The following LAMP1 variants were observed in gnomAD, a reference collection of about 807,000 sequenced individuals.
LAMP1 encodes the protein lysosome associated membrane protein 1, also known as lysosome-associated membrane glycoprotein 1.
LAMP1 carries 7 observed loss-of-function variants against 37.5 expected under a neutral mutation model. That is an observed-to-expected ratio of 0.19 (90% CI 0.11 to 0.35). The LOEUF (loss-of-function observed/expected upper bound fraction) is 0.35. Among genes scored for constraint, LAMP1 ranks in the 10% least tolerant of loss-of-function variants. The pLI, the probability that LAMP1 is intolerant of heterozygous loss-of-function variation, is 1.00. For synonymous variants in LAMP1, 236 were observed against 229.1 expected (o/e 1.03, Z -0.27); for missense variants, 537 against 552.8 (o/e 0.97, Z 0.29).
chr13:113,299,009 G>T (rs539001957), intron 1 of LAMP1, among the ~76,000 whole-genome samples: 52 of 152,110 alleles, frequency 3.4e-4, no homozygotes, highest in African/African-American at 1.2e-3. Context: ...GCATGGTGGC[G>T]CACGCCTGTA....
intron 2 of LAMP1, among the ~76,000 whole-genome samples, chr13:113,308,275 C>T (rs2042610627): frequency 6.7e-6 from 1 of 149,454 alleles, no homozygotes; most frequent in African/African-American, 2.5e-5. Context: ...CTTGGCCTCC[C>T]AAAGTGCTGG....
rs180692655 is a variant in LAMP1 at position 113,297,577 on chromosome 13, G to A, written c.61+82G>A. 2 of 1,176,634 alleles carry A rather than the reference G, an allele frequency of 1.7e-6. No homozygotes were observed. The highest frequency in any genetic ancestry group is 6.9e-5 in the East Asian group (2 of 29,168). 72.9% of individuals were successfully genotyped at this position (1,176,634 alleles called of 1,614,324 possible). A position where few individuals can be genotyped will look rare whatever the true frequency, so the allele number is the denominator to read the frequency against. ...TGGGTCTTGAGGGCGGGGGACTGCC[G>A]GGTCGTTGTCCCGCGGGTCGCCCCG... On this transcript the variant is annotated intron_variant, in intron 1 of 8. Coordinates refer to ENST00000332556, the MANE Select transcript of LAMP1 (RefSeq NM_005561.4). The surrounding 1 kb of genome is among the most constrained non-coding windows in gnomAD (Gnocchi z 4.4).
intron 2 of LAMP1, among the ~76,000 whole-genome samples, chr13:113,306,996 C>T (rs1307439678): frequency 2.0e-5 from 3 of 151,560 alleles, no homozygotes; most frequent in South Asian, 4.2e-4. Context: ...CTCGCCACCA[C>T]GCACAGCTAA....
In LAMP1 at chr13:113,297,740, C is replaced by T. The variant is rs1235821329; in HGVS notation, c.61+245C>T. On this transcript the variant is annotated intron_variant, in intron 1 of 8. Coordinates refer to ENST00000332556, the MANE Select transcript of LAMP1 (RefSeq NM_005561.4). This position sits in a 1 kb window ranked among gnomAD's most constrained non-coding sequence, Gnocchi z 4.4. ...TCCCAGGACCTGGCTCCTCTAAGGT[C>T]TGTCTCACTGAACTCAGTTTTTCTG... is the stretch of plus-strand genomic sequence containing the variant. 6.6e-6 allele frequency among the ~76,000 whole-genome samples: 1 copy of T among 152,218 alleles called. No homozygotes were observed. The highest frequency in any genetic ancestry group is 1.9e-4 in the East Asian group (1 of 5,192).
chr13:113,315,025 G>A (rs1414076823), intron 4 of LAMP1, among the ~76,000 whole-genome samples: 1 of 137,642 alleles, frequency 7.3e-6, no homozygotes, highest in East Asian at 2.4e-4. Flanking sequence ...GTGTGCCTGG[G>A]GCGTGGCCTC....
At position 113,322,361 on chromosome 13, in the gene LAMP1, C is replaced by T. The variant is rs374673267; in HGVS notation, c.1194C>T (p.Ile398=). 13 of 1,603,412 alleles carry T rather than the reference C, an allele frequency of 8.1e-6. No individual in the cohort carries two copies. The highest frequency in any genetic ancestry group is 5.6e-5 in the South Asian group (5 of 89,552). Residue 398 remains isoleucine, a synonymous_variant, in exon 9 of 9, where the codon ATC becomes ATT. Coordinates refer to ENST00000332556, the MANE Select transcript of LAMP1 (RefSeq NM_005561.4). ...VGGALAGLVL[I]VLIAYLVGRK... is the part of the protein sequence containing the mutation. Reference sequence around the variant, plus strand: ...GTGCCCTGGCGGGGCTGGTCCTCATCGTCCTCATCGCCTACCTCGTCGGCA... The same window carrying T: ...GTGCCCTGGCGGGGCTGGTCCTCATTGTCCTCATCGCCTACCTCGTCGGCA...
intron 4 of LAMP1, 54 bp from the exon 5 acceptor site, chr13:113,319,415 C>T: frequency 6.8e-7 from 1 of 1,475,252 alleles, no homozygotes; most frequent in Non-Finnish European, 9.2e-7. Context: ...CTTACTGTAA[C>T]TGCTGATGGT....
chr13:113,314,845 C>T (rs1471215746), intron 4 of LAMP1, among the ~76,000 whole-genome samples: 1 of 128,696 alleles, frequency 7.8e-6, no homozygotes, highest in Non-Finnish European at 1.6e-5. Context: ...GCGTGGCCTC[C>T]TGGAGGCAGC....
At chr13:113,303,782 A>G (rs2042585375) in intron 1 of LAMP1, among the ~76,000 whole-genome samples, 3 of 152,174 alleles carry the variant, frequency 2.0e-5, no homozygotes, top group Admixed American at 2.0e-4. Context: ...TTTCCTCTGA[A>G]AGCTGAGACC....
chr13:113,322,370 C>A lies in LAMP1; in HGVS notation c.1203C>A (p.Ile401=). The A allele has an allele frequency of 6.2e-7, 1 of 1,604,350 alleles. No homozygotes were observed. The highest frequency in any genetic ancestry group is 1.1e-5 in the South Asian group (1 of 89,658). The part of the protein sequence containing the change: ...ALAGLVLIVL[I]AYLVGRKRSH... ...CGGGGCTGGTCCTCATCGTCCTCAT[C>A]GCCTACCTCGTCGGCAGGAAGAGGA... is the stretch of plus-strand genomic sequence containing the variant. Residue 401 remains isoleucine, a synonymous_variant, in exon 9 of 9, where the codon ATC becomes ATA. Coordinates refer to ENST00000332556, the MANE Select transcript of LAMP1 (RefSeq NM_005561.4).
At position 113,321,176 on chromosome 13, in the gene LAMP1, A is replaced by G. The variant is rs144442335; in HGVS notation, c.877-228A>G. 5.8e-6 allele frequency: 3 copies of G among 513,652 alleles called. No individual in the cohort carries two copies. Among genetic ancestry groups the G allele is most frequent in the African/African-American group, 5.8e-5 (3 of 51,870 alleles). The allele number at this position is 513,652 out of a possible 1,614,324, so 31.8% of individuals were successfully genotyped here. A position where few individuals can be genotyped will look rare whatever the true frequency, so the allele number is the denominator to read the frequency against. On this transcript the variant is annotated intron_variant, in intron 6 of 8. Transcript: ENST00000332556. This position sits in a 1 kb window ranked among gnomAD's most constrained non-coding sequence, Gnocchi z 5.6. ...GCCTGGGTGACAGAGCAAGACTCTC[A>G]GAGAAGGGTCTGGAAGGAACTAACC...
chr13:113,307,957 CAA>C (rs56212251), intron 2 of LAMP1, among the ~76,000 whole-genome samples: 189 of 59,918 alleles, frequency 3.2e-3, no homozygotes, highest in African/African-American at 9.9e-3. Context: ...AGACCATCTC[CAA>C]AAAAAAAAAA....
rs1214037006 is a variant in LAMP1 at position 113,322,335 on chromosome 13, G to A, written c.1168G>A (p.Gly390Ser). Reference sequence around the variant, plus strand: ...CATGCTGATCCCCATCGCTGTGGGTGGTGCCCTGGCGGGGCTGGTCCTCAT... The same window carrying A: ...CATGCTGATCCCCATCGCTGTGGGTAGTGCCCTGGCGGGGCTGGTCCTCAT... ...NSMLIPIAVG[G>S]ALAGLVLIVL... The change falls in exon 9 of 9, where the codon GGT (glycine) becomes AGT (serine). Residue 390 changes from glycine (G) to serine (S), a missense_variant. Transcript: ENST00000332556. 6.2e-7 allele frequency: 1 copy of A among 1,607,722 alleles called. No individual in the cohort carries two copies. The highest frequency in any genetic ancestry group is 1.1e-5 in the South Asian group (1 of 90,180).
intron 4 of LAMP1, among the ~76,000 whole-genome samples, chr13:113,317,160 G>A (rs1272445019): frequency 2.0e-5 from 3 of 152,168 alleles, no homozygotes; most frequent in African/African-American, 2.4e-5. Context: ...GGAAAGGCCC[G>A]GCTGTGTGCT....
At chr13:113,315,919 A>G (rs1397004247) in intron 4 of LAMP1, among the ~76,000 whole-genome samples, 2 of 151,942 alleles carry the variant, frequency 1.3e-5, no homozygotes, top group East Asian at 2.0e-4. Flanking sequence ...CCTGGCCAAC[A>G]TGGCGAAAAC....
intron 1 of LAMP1, among the ~76,000 whole-genome samples, chr13:113,301,783 T>G (rs1005154514): frequency 6.7e-6 from 1 of 149,808 alleles, no homozygotes; most frequent in Admixed American, 6.7e-5. Flanking sequence ...CATAAATGAT[T>G]GTGCATCATT....
rs1213509794 is a variant in LAMP1, at chr13:113,319,507, G to A, written c.601G>A (p.Ala201Thr). Residue 201 changes from alanine (A) to threonine (T), a missense_variant, in exon 5 of 9, where the codon GCG (alanine) becomes ACG (threonine). By Grantham distance (58) the Ala-to-Thr change is moderately conservative. Transcript: ENST00000332556. Reference protein sequence around the residue: ...CEQDRPSPTTAPPAPPSPSPS... With the variant: ...CEQDRPSPTTTPPAPPSPSPS... ...ACAAGACAGGCCTTCCCCAACCACA[G>A]CGCCCCCTGCGCCACCCAGCCCCTC... 2 of 1,613,688 alleles carry A rather than the reference G, an allele frequency of 1.2e-6. No individual in the cohort carries two copies. Among genetic ancestry groups the A allele is most frequent in the Admixed American group, 3.3e-5 (2 of 59,988 alleles).
intron 1 of LAMP1, among the ~76,000 whole-genome samples, chr13:113,299,817 G>A (rs910001716): frequency 1.3e-5 from 2 of 152,054 alleles, no homozygotes; most frequent in African/African-American, 4.8e-5. Flanking sequence ...ACCTGCCTCA[G>A]ACTCCCAAAG....
intron 8 of LAMP1, chr13:113,322,051 G>A (rs1007824014): frequency 4.6e-5 from 27 of 582,326 alleles, no homozygotes; most frequent in East Asian, 1.4e-4. Flanking sequence ...ACAGCTGTCC[G>A]GCCACAGCCC....
Sources: allele counts gnomAD v4.1 joint callset (sites outside exome capture counted in the v4.1 genomes callset), GRCh38; gene constraint gnomAD v4.1.1; non-coding constraint Gnocchi (gnomAD v3.1); transcripts MANE v1.5; gene names NCBI Gene and HGNC (gene_info 2026-07-23, HGNC 2026-07-21).